The following IMMP2L variants were observed in gnomAD, a reference collection of about 807,000 sequenced individuals.
IMMP2L encodes the protein inner mitochondrial membrane peptidase subunit 2, also known as mitochondrial inner membrane protease subunit 2.
Under a neutral mutation model 19.3 loss-of-function variants are expected in IMMP2L, and 18 were observed. The ratio of observed to expected loss-of-function variants is 0.93; its 90% CI spans 0.64 to 1.38. The LOEUF is 1.38. Ranked by LOEUF, IMMP2L falls within the 40% of genes most tolerant of loss-of-function variation. The probability of loss-of-function intolerance (pLI) is 0.00; values close to 1 mark genes in which losing one functional copy is unlikely to be tolerated. For missense variants in IMMP2L, 233 were observed against 218.2 expected, an observed-to-expected ratio of 1.07 and a Z score of -0.43; for synonymous variants, 76 against 73.0, an observed-to-expected ratio of 1.04 and a Z score of -0.21.
rs528162583 is a variant in IMMP2L, at chr7:111,213,504, G to T, written c.240-249939C>A. Among the ~76,000 whole-genome samples, 68 of 152,172 alleles carry T rather than the reference G, an allele frequency of 4.5e-4. No homozygotes were observed. Among genetic ancestry groups the T allele is most frequent in the Non-Finnish European group, 7.9e-4 (54 of 68,020 alleles). ...GCTGGGGAGGGCCTGAAGCCCTCCA[G>T]GGGCCAGGCTGCTGGTCGTGCAAAC... On this transcript the variant is annotated intron_variant, in intron 3 of 5. Transcript: ENST00000405709. This position sits in a 1 kb window ranked among gnomAD's most constrained non-coding sequence, Gnocchi z 4.8.
At chr7:111,241,953 C>T (rs1467946028) in intron 3 of IMMP2L, among the ~76,000 whole-genome samples, 2 of 152,052 alleles carry the variant, frequency 1.3e-5, no homozygotes, top group Non-Finnish European at 2.9e-5. Context: ...AATGTCCTAA[C>T]ATTATACGTG....
At chr7:111,281,204 AAGAAAGAAAGAAAAAGAAAG>A (rs1204995955) in intron 3 of IMMP2L, among the ~76,000 whole-genome samples, 22 of 49,324 alleles carry the variant, frequency 4.5e-4, no homozygotes, top group South Asian at 9.6e-4. Flanking sequence ...GAAAGAAAGA[AAGAAAGAAAGAAAAAGAAAG>A]AAAGAAAGAA....
intron 5 of IMMP2L, among the ~76,000 whole-genome samples, chr7:110,694,328 G>A (rs1446649475): frequency 6.6e-6 from 1 of 152,090 alleles, no homozygotes; most frequent in Non-Finnish European, 1.5e-5. Flanking sequence ...AAGAGATGAG[G>A]AAGAAAGTGT....
chr7:110,717,887 T>G (rs969487820), intron 5 of IMMP2L, among the ~76,000 whole-genome samples: 1 of 152,022 alleles, frequency 6.6e-6, no homozygotes, highest in African/African-American at 2.4e-5. Context: ...TAGATAAAAC[T>G]AGAGGAGGAA....
chr7:111,402,991 A>ACCCCCCCCCCCCCCCCCCCCCCC (rs781654530), intron 3 of IMMP2L, among the ~76,000 whole-genome samples: 5 of 45,506 alleles, frequency 1.1e-4, no homozygotes, highest in Non-Finnish European at 1.2e-4. Flanking sequence ...TGCAGCCTTG[A>ACCCCCCCCCCCCCCCCCCCCCCC]CCCCCCCCCC....
chr7:111,110,154 A>T (rs1353543476), intron 3 of IMMP2L, among the ~76,000 whole-genome samples: 2 of 152,206 alleles, frequency 1.3e-5, no homozygotes, highest in Non-Finnish European at 2.9e-5. Flanking sequence ...AGTCTTTAGG[A>T]TCTGAACTAT....
chr7:111,219,381 C>A (rs750031454), intron 3 of IMMP2L, among the ~76,000 whole-genome samples: 3 of 151,920 alleles, frequency 2.0e-5, no homozygotes, highest in Non-Finnish European at 4.4e-5. Context: ...AAACCAGAAT[C>A]TCTGGAAATA....
At chr7:111,004,974 G>C (rs1824137502) in intron 3 of IMMP2L, among the ~76,000 whole-genome samples, 1 of 152,104 alleles carries the variant, frequency 6.6e-6, no homozygotes, top group Non-Finnish European at 1.5e-5. Context: ...AATTCAATCT[G>C]TCCCAGGTTG....
chr7:110,994,740 A>G (rs1224647356), intron 3 of IMMP2L, among the ~76,000 whole-genome samples: 1 of 152,156 alleles, frequency 6.6e-6, no homozygotes, highest in Admixed American at 6.6e-5. Flanking sequence ...AAAGTAACCA[A>G]TGCAACCATC....
chr7:111,080,926 T>G (rs1586140056), intron 3 of IMMP2L, among the ~76,000 whole-genome samples: 2 of 152,342 alleles, frequency 1.3e-5, no homozygotes, highest in East Asian at 3.9e-4. Flanking sequence ...ATATCTAAAC[T>G]GCTAAATATA....
chr7:110,739,133 C>A (rs1331406650), intron 5 of IMMP2L, among the ~76,000 whole-genome samples: 1 of 152,066 alleles, frequency 6.6e-6, no homozygotes, highest in Admixed American at 6.6e-5. Flanking sequence ...CTCACAGGAT[C>A]TATAGAACAA....
Position 110,815,807 on chromosome 7 carries a change from G to A in IMMP2L, c.408+70786C>T, listed in dbSNP as rs568128210. 1.5e-4 allele frequency among the ~76,000 whole-genome samples: 23 copies of A among 152,142 alleles called. No homozygotes were observed. The South Asian group carries it at 4.4e-3, about 29-fold the overall frequency. Reference sequence around the variant, plus strand: ...AGTTCGTATTTCTGTGGGATCGGTGGTGATATCCCCTTTATCATTTTTTAT... The same window carrying A: ...AGTTCGTATTTCTGTGGGATCGGTGATGATATCCCCTTTATCATTTTTTAT... On this transcript the variant is annotated intron_variant, in intron 5 of 5. Transcript: ENST00000405709.
chr7:111,560,207 A>G (rs975881821), intron 1 of IMMP2L, among the ~76,000 whole-genome samples: 1 of 152,096 alleles, frequency 6.6e-6, no homozygotes, highest in Non-Finnish European at 1.5e-5. Context: ...ATTGCCTTTT[A>G]TACCCTCCCA....
chr7:111,207,679 G>A (rs1455528786), intron 3 of IMMP2L, among the ~76,000 whole-genome samples: 1 of 151,488 alleles, frequency 6.6e-6, no homozygotes, highest in East Asian at 1.9e-4. Flanking sequence ...GGGACTACAG[G>A]TGCGCGCCGC....
chr7:111,173,453 G>C (rs1402937342), intron 3 of IMMP2L, among the ~76,000 whole-genome samples: 1 of 151,572 alleles, frequency 6.6e-6, no homozygotes, highest in Non-Finnish European at 1.5e-5. Flanking sequence ...ACTTTCTAAA[G>C]ATGCTGAGAA....
At chr7:110,977,244 C>CTTTT (rs1820791601) in intron 3 of IMMP2L, among the ~76,000 whole-genome samples, 1 of 151,888 alleles carries the variant, frequency 6.6e-6, no homozygotes, top group African/African-American at 2.4e-5. Context: ...GGCATGCATG[C>CTTTT]TTTTTAGGGT....
chr7:110,960,173 G>A (rs1352914254), intron 4 of IMMP2L, among the ~76,000 whole-genome samples: 1 of 151,662 alleles, frequency 6.6e-6, no homozygotes, highest in Non-Finnish European at 1.5e-5. Flanking sequence ...CATTCTTTTG[G>A]GTTTTAAAAA....
intron 5 of IMMP2L, among the ~76,000 whole-genome samples, chr7:110,739,100 T>C (rs1796828770): frequency 6.6e-6 from 1 of 152,074 alleles, no homozygotes; most frequent in South Asian, 2.1e-4. Context: ...TACACCAAAA[T>C]TGAAACTTCT....
chr7:110,788,857 C>A (rs988498170), intron 5 of IMMP2L, among the ~76,000 whole-genome samples: 2 of 151,686 alleles, frequency 1.3e-5, no homozygotes, highest in Non-Finnish European at 2.9e-5. Context: ...GTTTCCTATC[C>A]TTGATTCCGT....
Sources: allele counts gnomAD v4.1 joint callset (sites outside exome capture counted in the v4.1 genomes callset), GRCh38; gene constraint gnomAD v4.1.1; non-coding constraint Gnocchi (gnomAD v3.1); transcripts MANE v1.5; gene names NCBI Gene and HGNC (gene_info 2026-07-23, HGNC 2026-07-21).